The following MAGI2 variants were observed in gnomAD, a reference collection of about 807,000 sequenced individuals.
The protein encoded by MAGI2 is membrane associated guanylate kinase, WW and PDZ domain containing 2.
MAGI2 carries 35 observed loss-of-function variants against 133.3 expected under a neutral mutation model. The ratio of observed to expected loss-of-function variants is 0.26; its 90% CI spans 0.20 to 0.35. MAGI2 has a LOEUF of 0.35. MAGI2 is among the 10% of genes least tolerant of loss of function. The probability of loss-of-function intolerance (pLI) is 1.00; values close to 1 mark genes in which losing one functional copy is unlikely to be tolerated. For missense variants in MAGI2, 1,636 were observed against 1,863.4 expected (o/e 0.88, Z 2.25); for synonymous variants, 729 against 710.6 (o/e 1.03, Z -0.41).
intron 7 of MAGI2, among the ~76,000 whole-genome samples, chr7:78,357,338 T>C (rs1236058125): frequency 1.3e-5 from 2 of 152,198 alleles, no homozygotes; most frequent in South Asian, 2.1e-4. Context: ...AAGTGCTTAA[T>C]AATGGTAGCT....
chr7:78,755,299 C>T (rs989235069), intron 2 of MAGI2, among the ~76,000 whole-genome samples: 8 of 152,090 alleles, frequency 5.3e-5, no homozygotes, highest in Non-Finnish European at 8.8e-5. Flanking sequence ...ACTATGGCAG[C>T]TTAGGAAAAT....
At chr7:79,177,752 A>G (rs776180216) in intron 1 of MAGI2, among the ~76,000 whole-genome samples, 2 of 152,090 alleles carry the variant, frequency 1.3e-5, no homozygotes, top group Non-Finnish European at 2.9e-5. Context: ...AAATATTATA[A>G]GGTGTCTGAT....
At chr7:78,299,534 G>A (rs895436208) in intron 9 of MAGI2, among the ~76,000 whole-genome samples, 1 of 152,126 alleles carries the variant, frequency 6.6e-6, no homozygotes, top group African/African-American at 2.4e-5. Flanking sequence ...ACAAAAAAAT[G>A]CTACAGGGAA....
intron 3 of MAGI2, among the ~76,000 whole-genome samples, chr7:78,554,190 G>C (rs1250664528): frequency 6.6e-6 from 1 of 152,150 alleles, no homozygotes; most frequent in Non-Finnish European, 1.5e-5. Context: ...TGTTAAAATA[G>C]GGAAAAATTG....
intron 1 of MAGI2, among the ~76,000 whole-genome samples, chr7:79,084,968 G>A (rs1275296213): frequency 6.6e-6 from 1 of 151,780 alleles, no homozygotes; most frequent in Non-Finnish European, 1.5e-5. Flanking sequence ...TTGTTTGTAT[G>A]TGATGAGTTT....
chr7:79,419,478 A>C (rs1846782407), intron 1 of MAGI2, among the ~76,000 whole-genome samples: 1 of 152,048 alleles, frequency 6.6e-6, no homozygotes, highest in South Asian at 2.1e-4. Flanking sequence ...TTTCCCTAGA[A>C]GTACTTAAGT....
At chr7:78,884,425 A>G (rs1796112736) in intron 2 of MAGI2, among the ~76,000 whole-genome samples, 1 of 152,204 alleles carries the variant, frequency 6.6e-6, no homozygotes, top group South Asian at 2.1e-4. Context: ...TCGAGGCTGC[A>G]GTGAACATGC....
At chr7:78,871,170 GC>G (rs529227168) in intron 2 of MAGI2, among the ~76,000 whole-genome samples, 118 of 152,234 alleles carry the variant, frequency 7.8e-4, no homozygotes, top group African/African-American at 2.8e-3. Flanking sequence ...AACTAGCCGG[GC>G]GTGGTGGTGG....
chr7:78,121,691 T>C (rs2150499823), intron 20 of MAGI2, among the ~76,000 whole-genome samples: 1 of 152,338 alleles, frequency 6.6e-6, no homozygotes, highest in Non-Finnish European at 1.5e-5. Flanking sequence ...GTTACTTAGG[T>C]AAGTTAAATT....
At position 78,853,332 on chromosome 7, in the gene MAGI2, C is replaced by CTTTTTTTTTTTTTTTTTTTTTTTTTTTT. The variant is rs60580466; in HGVS notation, c.418+153730_418+153757dup. Among the ~76,000 whole-genome samples, 3 of 25,052 alleles carry CTTTTTTTTTTTTTTTTTTTTTTTTTTTT rather than the reference C, an allele frequency of 1.2e-4. 1 individual carries two copies. The highest frequency in any genetic ancestry group is 2.2e-4 in the Non-Finnish European group (3 of 13,908). The allele number at this position is 25,052 out of a possible 152,430, so 16.4% of individuals were successfully genotyped here. ...CTCATATTACTCTTGTCCATTCGTT[C>CTTTTTTTTTTTTTTTTTTTTTTTTTTTT]TTTTTTTTTTTTTTTTTTTTTTTTT... On this transcript the variant is annotated intron_variant, in intron 2 of 21. Coordinates refer to ENST00000354212, the MANE Select transcript of MAGI2 (RefSeq NM_012301.4).
intron 1 of MAGI2, among the ~76,000 whole-genome samples, chr7:79,042,327 C>T (rs68079959): frequency 0.057 from 8,720 of 152,166 alleles, 277 homozygotes; most frequent in African/African-American, 0.073. Context: ...AAGTCTGTTT[C>T]GTCTGAAGTT....
At chr7:78,042,335 G>A (rs1482271207) in intron 21 of MAGI2, among the ~76,000 whole-genome samples, 1 of 152,186 alleles carries the variant, frequency 6.6e-6, no homozygotes, top group Non-Finnish European at 1.5e-5. Context: ...AGCTCTTTCT[G>A]ATTCTGGCAA....
intron 2 of MAGI2, among the ~76,000 whole-genome samples, chr7:78,982,758 GTACTACTAC>G (rs1173585449): frequency 1.1e-4 from 1 of 9,468 alleles, no homozygotes; most frequent in Non-Finnish European, 1.8e-4. Context: ...GGAAGGGAAG[GTACTACTAC>G]ACCAACTTAT....
intron 2 of MAGI2, among the ~76,000 whole-genome samples, chr7:78,723,577 G>A (rs1473160491): frequency 7.9e-5 from 12 of 152,098 alleles, no homozygotes; most frequent in Non-Finnish European, 1.6e-4. Flanking sequence ...TAGTATGAAG[G>A]GCAATTAAGA....
chr7:78,288,214 C>T (rs908873852), intron 9 of MAGI2, among the ~76,000 whole-genome samples: 1 of 152,050 alleles, frequency 6.6e-6, no homozygotes, highest in Non-Finnish European at 1.5e-5. Context: ...ATTCTTCTAC[C>T]ATGAGACAGG....
chr7:78,404,010 A>T (rs1797144265), intron 6 of MAGI2, among the ~76,000 whole-genome samples: 1 of 152,166 alleles, frequency 6.6e-6, no homozygotes, highest in Non-Finnish European at 1.5e-5. Flanking sequence ...AAGCATTCCT[A>T]TACACCAATA....
intron 21 of MAGI2, among the ~76,000 whole-genome samples, chr7:78,022,642 T>G (rs902712138): frequency 1.3e-5 from 2 of 152,226 alleles, no homozygotes; most frequent in African/African-American, 4.8e-5. Flanking sequence ...ATCTTATCCT[T>G]AAGCAGAAGA....
chr7:79,167,419 C>T (rs1002146941), intron 1 of MAGI2, among the ~76,000 whole-genome samples: 4 of 115,002 alleles, frequency 3.5e-5, no homozygotes, highest in Admixed American at 3.4e-4. Context: ...AAAAAAAAAA[C>T]TCCAGGCAAA....
intron 16 of MAGI2, among the ~76,000 whole-genome samples, chr7:78,145,805 T>C (rs1823255581): frequency 6.6e-6 from 1 of 152,162 alleles, no homozygotes; most frequent in East Asian, 1.9e-4. Flanking sequence ...TGTATCCTCA[T>C]ATGTTGGAGT....
Sources: gnomAD v4.1 joint callset for allele counts (sites outside exome capture counted in the v4.1 genomes callset) on GRCh38, gnomAD v4.1.1 for gene constraint, MANE v1.5 for transcripts, NCBI Gene and HGNC (gene_info 2026-07-23, HGNC 2026-07-21) for gene names.